PCSK6: variants seen among roughly 807,000 people sequenced by gnomAD.
The protein encoded by PCSK6 is paired basic amino acid cleaving enzyme 4.
Under a neutral mutation model 123.3 loss-of-function variants are expected in PCSK6, and 85 were observed. The observed-to-expected ratio is 0.69, with a 90% CI of 0.58 to 0.83. The LOEUF is 0.83. Ranked by LOEUF, PCSK6 falls within the 40% of genes least tolerant of loss-of-function variation. The probability of loss-of-function intolerance (pLI) is 0.00; values close to 1 mark genes in which losing one functional copy is unlikely to be tolerated. For missense variants in PCSK6, 1,191 were observed against 1,282.3 expected (o/e 0.93, Z 1.09); for synonymous variants, 508 against 516.0 (o/e 0.98, Z 0.21).
At chr15:101,417,631 GA>G (rs1468817969) in intron 6 of PCSK6, among the ~76,000 whole-genome samples, 2 of 152,104 alleles carry the variant, frequency 1.3e-5, no homozygotes, top group African/African-American at 4.8e-5. Context: ...AAGAGGTGAT[GA>G]AAGGAGAATG....
intron 1 of PCSK6, among the ~76,000 whole-genome samples, chr15:101,483,637 G>A (rs913268800): frequency 4.6e-5 from 7 of 152,226 alleles, no homozygotes; most frequent in Admixed American, 1.3e-4. Flanking sequence ...ATACCTTGCT[G>A]CCATCCTCTC....
At chr15:101,402,427 A>C (rs1415836230) in intron 6 of PCSK6, among the ~76,000 whole-genome samples, 7 of 151,994 alleles carry the variant, frequency 4.6e-5, no homozygotes, top group Admixed American at 2.6e-4. Context: ...AATGGGATCT[A>C]ATTAAACTAA....
Position 101,478,366 on chromosome 15 carries a change from GGACA to G in PCSK6, c.297+11004_297+11007del, listed in dbSNP as rs150399864. ...TCCGAGGACCCAGTTGCTATTCTAAGGACAGTCACGTGTGGGGACAGAGAGGCTG... is the reference window on the plus strand; with the variant it reads ...TCCGAGGACCCAGTTGCTATTCTAAGGTCACGTGTGGGGACAGAGAGGCTG... On this transcript the variant is annotated intron_variant, in intron 1 of 21. Coordinates refer to ENST00000611716, the MANE Select transcript of PCSK6 (RefSeq NM_002570.5). Among the ~76,000 whole-genome samples the G allele has an allele frequency of 1.1e-3, 172 of 152,246 alleles. 5 individuals carry two copies. The East Asian group carries it at 0.026, about 23-fold the overall frequency.
At chr15:101,387,500 A>G (rs1229723200) in intron 9 of PCSK6, among the ~76,000 whole-genome samples, 1 of 152,254 alleles carries the variant, frequency 6.6e-6, no homozygotes, top group East Asian at 1.9e-4. Flanking sequence ...TCTTATGAAA[A>G]AATCTATTTT....
chr15:101,474,733 G>T (rs969923878), intron 1 of PCSK6, among the ~76,000 whole-genome samples: 7 of 152,104 alleles, frequency 4.6e-5, no homozygotes, highest in Admixed American at 1.3e-4. Flanking sequence ...CAGGCCAATG[G>T]AGGCACCAGA....
At chr15:101,395,401 GC>G (rs1219287939) in intron 7 of PCSK6, among the ~76,000 whole-genome samples, 1 of 152,134 alleles carries the variant, frequency 6.6e-6, no homozygotes, top group African/African-American at 2.4e-5. Context: ...AATACCAAGA[GC>G]CTGAAATGCT....
intron 8 of PCSK6, among the ~76,000 whole-genome samples, chr15:101,392,216 C>A (rs1241814816): frequency 2.0e-5 from 3 of 152,214 alleles, no homozygotes; most frequent in Admixed American, 6.5e-5. Context: ...AACAGGACAC[C>A]ATTCAGCATC....
chr15:101,402,790 T>G (rs1185265486), intron 6 of PCSK6, among the ~76,000 whole-genome samples: 1 of 152,148 alleles, frequency 6.6e-6, no homozygotes, highest in Non-Finnish European at 1.5e-5. Context: ...GGAGAGGATG[T>G]GGAGAAATAG....
At chr15:101,358,053 C>T (rs921980895) in intron 13 of PCSK6, among the ~76,000 whole-genome samples, 2 of 152,156 alleles carry the variant, frequency 1.3e-5, no homozygotes, top group Non-Finnish European at 2.9e-5. Context: ...AGGACTGTCT[C>T]GGCCTGACAT....
intron 13 of PCSK6, among the ~76,000 whole-genome samples, chr15:101,361,976 A>ATTTTTTTT (rs2041236297): frequency 3.3e-5 from 1 of 30,660 alleles, no homozygotes; most frequent in East Asian, 1.1e-3. Context: ...TTTTTTTTTG[A>ATTTTTTTT]GTTGGAGTCT....
intron 1 of PCSK6, among the ~76,000 whole-genome samples, chr15:101,484,583 G>C (rs989722592): frequency 1.3e-5 from 2 of 151,760 alleles, no homozygotes; most frequent in African/African-American, 4.8e-5. Context: ...TAGAGACAGG[G>C]TTTCACCATG....
chr15:101,463,647 A>T (rs1051125917), intron 1 of PCSK6, among the ~76,000 whole-genome samples: 1 of 152,190 alleles, frequency 6.6e-6, no homozygotes, highest in Non-Finnish European at 1.5e-5. Flanking sequence ...GCACTGGGAT[A>T]GTTGCCTTTC....
chr15:101,484,092 A>G (rs1469901012), intron 1 of PCSK6, among the ~76,000 whole-genome samples: 1 of 152,232 alleles, frequency 6.6e-6, no homozygotes, highest in Non-Finnish European at 1.5e-5. Context: ...ACTTGTACAC[A>G]TCACCACATG....
At chr15:101,366,100 A>T (rs1283940147) in intron 13 of PCSK6, 96 bp downstream of exon 13, 2 of 1,309,566 alleles carry the variant, frequency 1.5e-6, no homozygotes, top group East Asian at 5.0e-5. Flanking sequence ...AACACAAAAC[A>T]AAGAATTATC....
chr15:101,450,084 A>G (rs997122721), intron 1 of PCSK6, among the ~76,000 whole-genome samples: 5 of 151,964 alleles, frequency 3.3e-5, no homozygotes, highest in Non-Finnish European at 7.4e-5. Context: ...GTCTTGGTAA[A>G]AGCCACCACC....
intron 15 of PCSK6, among the ~76,000 whole-genome samples, chr15:101,327,765 A>C (rs898346953): frequency 6.6e-6 from 1 of 152,232 alleles, no homozygotes; most frequent in Non-Finnish European, 1.5e-5. Flanking sequence ...TGTTAGACCC[A>C]GTGAGGCTGG....
intron 13 of PCSK6, among the ~76,000 whole-genome samples, chr15:101,333,757 C>A (rs927217116): frequency 1.4e-5 from 2 of 146,812 alleles, no homozygotes; most frequent in Admixed American, 1.4e-4. Context: ...CATCCTCATA[C>A]CATAAGCCCA....
chr15:101,469,684 G>A (rs2057557465), intron 1 of PCSK6, among the ~76,000 whole-genome samples: 1 of 152,184 alleles, frequency 6.6e-6, no homozygotes, highest in Non-Finnish European at 1.5e-5. Context: ...GGGAGCCGGT[G>A]AGGACGGTGT....
intron 1 of PCSK6, among the ~76,000 whole-genome samples, chr15:101,453,670 C>T (rs776451296): frequency 5.3e-5 from 8 of 152,232 alleles, no homozygotes; most frequent in Non-Finnish European, 8.8e-5. Flanking sequence ...CTGCAGGCTA[C>T]AGGCAGCCTG....
Sources: allele counts gnomAD v4.1 joint callset (sites outside exome capture counted in the v4.1 genomes callset), GRCh38; gene constraint gnomAD v4.1.1; transcripts MANE v1.5; gene names NCBI Gene and HGNC (gene_info 2026-07-23, HGNC 2026-07-21).